Variants in BMP1 observed in about 807,000 individuals in gnomAD.
BMP1 encodes the protein mammalian tolloid protein.
BMP1 carries 63 observed loss-of-function variants against 116.8 expected under a neutral mutation model. That is an observed-to-expected ratio of 0.54 (90% CI 0.44 to 0.67). BMP1 has a LOEUF of 0.67. Ranked by LOEUF, BMP1 falls within the 30% of genes least tolerant of loss-of-function variation. The pLI is 0.00. For missense variants in BMP1, 1,183 were observed against 1,358.9 expected (o/e 0.87, Z 2.04); for synonymous variants, 536 against 533.4 (o/e 1.00, Z -0.07).
intron 16 of BMP1, among the ~76,000 whole-genome samples, chr8:22,205,874 T>C (rs1007206371): frequency 4.1e-4 from 62 of 152,188 alleles, no homozygotes; most frequent in Admixed American, 4.0e-3. Flanking sequence ...AGAGGGGTGA[T>C]GTGTTTGTGA....
intron 8 of BMP1, among the ~76,000 whole-genome samples, chr8:22,184,655 T>C (rs1828714971): frequency 6.6e-6 from 1 of 152,176 alleles, no homozygotes; most frequent in African/African-American, 2.4e-5. Flanking sequence ...CGGAAAGCAT[T>C]AGGCACCTTA....
chr8:22,173,855 C>T, intron 2 of BMP1, 140 bp downstream of exon 2: 1 of 550,512 alleles, frequency 1.8e-6, no homozygotes, highest in Non-Finnish European at 3.2e-6. Flanking sequence ...TCTATCTTCC[C>T]TCGGGATATC....
intron 18 of BMP1, among the ~76,000 whole-genome samples, chr8:22,208,923 T>C (rs1231066767): frequency 6.6e-6 from 1 of 152,208 alleles, no homozygotes; most frequent in African/African-American, 2.4e-5. Context: ...CCCCATGCAC[T>C]GTCCTCTGCC....
chr8:22,173,787 C>T, intron 2 of BMP1, 72 bp downstream of exon 2: 2 of 1,280,624 alleles, frequency 1.6e-6, no homozygotes, highest in Non-Finnish European at 2.2e-6. Context: ...AGGAATCTCC[C>T]TGTTCCCAGC....
chr8:22,165,894 T>C (rs1230530208), intron 1 of BMP1, among the ~76,000 whole-genome samples: 1 of 119,984 alleles, frequency 8.3e-6, no homozygotes, highest in African/African-American at 2.7e-5. Context: ...TGTGTGTGTG[T>C]GTGTGTGTGT....
At chr8:22,192,976 T>C (rs1349872612) in intron 9 of BMP1, among the ~76,000 whole-genome samples, 1 of 152,228 alleles carries the variant, frequency 6.6e-6, no homozygotes, top group African/African-American at 2.4e-5. Context: ...AATATTTCTT[T>C]TTGGTCACTC....
intron 16 of BMP1, among the ~76,000 whole-genome samples, chr8:22,203,048 G>C (rs1377836167): frequency 3.3e-5 from 5 of 152,038 alleles, no homozygotes; most frequent in African/African-American, 4.8e-5. Context: ...AATAAAAACA[G>C]CTCTCATGGC....
At position 22,209,638 on chromosome 8, in the gene BMP1, G is replaced by A; in HGVS notation, c.2769G>A (p.Glu923=). The change falls in exon 19 of 20, where the codon GAG becomes GAA. Residue 923 remains glutamate, a synonymous_variant. Coordinates refer to ENST00000306385, the MANE Select transcript of BMP1 (RefSeq NM_006129.5). ...CCGACTGCGGCTATGACTACATGGA[G>A]CTCTTCGACGGCTACGACAGCACAG... ...EETDCGYDYM[E]LFDGYDSTAP... is the part of the protein sequence containing the mutation. 2 of 1,614,134 alleles carry A rather than the reference G, an allele frequency of 1.2e-6. No homozygotes were observed. The highest frequency in any genetic ancestry group is 1.1e-5 in the South Asian group (1 of 91,084).
intron 1 of BMP1, chr8:22,169,879 C>G (rs78665166): frequency 1.3e-5 from 2 of 152,230 alleles, no homozygotes; most frequent in Non-Finnish European, 2.9e-5. Context: ...GGCAGGTTTA[C>G]AGCTGGAAAA....
intron 2 of BMP1, among the ~76,000 whole-genome samples, chr8:22,174,439 A>G (rs1229268128): frequency 6.6e-6 from 1 of 152,058 alleles, no homozygotes; most frequent in Non-Finnish European, 1.5e-5. Context: ...GTACTTGTGC[A>G]TGGATACAGG....
At chr8:22,166,488 C>T (rs1828116401) in intron 1 of BMP1, among the ~76,000 whole-genome samples, 1 of 152,316 alleles carries the variant, frequency 6.6e-6, no homozygotes, top group South Asian at 2.1e-4. Context: ...GGGCCATTTG[C>T]CTGATTGGAT....
Position 22,207,466 on chromosome 8 carries a change from A to C in BMP1, c.2525A>C (p.Tyr842Ser). 3.1e-6 allele frequency: 5 copies of C among 1,613,860 alleles called. No individual in the cohort carries two copies. The highest frequency in any genetic ancestry group is 1.7e-6 in the Non-Finnish European group (2 of 1,180,020). Residue 842 changes from tyrosine (Y) to serine (S), a missense_variant, in exon 18 of 20, where the codon TAC becomes TCC. This residue lies in a region of BMP1 where 956 missense variants were observed against 1,135.2 expected (regional missense o/e 0.84). Coordinates refer to ENST00000306385, the MANE Select transcript of BMP1 (RefSeq NM_006129.5). ...ATGSRMFLRFYSDNSVQRKGF... is the reference protein window; with the variant it reads ...ATGSRMFLRFSSDNSVQRKGF... ...GGCAGCCGCATGTTCCTGCGCTTCT[A>C]CTCAGATAACTCGGTCCAGCGAAAG...
chr8:22,199,420 C>T (rs775904317), intron 15 of BMP1: 1 of 1,254,140 alleles, frequency 8.0e-7, no homozygotes, highest in South Asian at 1.4e-5. Context: ...GGCCCATGCC[C>T]ACCTCCTCCA....
rs200867122 is a variant in BMP1, at chr8:22,207,386, C to A, written c.2445C>A (p.Ala815=). Residue 815 remains alanine (A), a synonymous_variant, in exon 18 of 20, where the codon GCC becomes GCA. Transcript: ENST00000306385. ...TGTTCGACGGGCGAGACGCCAAGGC[C>A]CCCGTCCTCGGCCGCTTCTGTGGGA... ...LEVFDGRDAK[A]PVLGRFCGSK... 4 of 1,614,078 alleles carry A rather than the reference C, an allele frequency of 2.5e-6. No homozygotes were observed. The highest frequency in any genetic ancestry group is 2.5e-6 in the Non-Finnish European group (3 of 1,180,034).
At position 22,165,559 on chromosome 8, in the gene BMP1, C is replaced by T. The variant is rs111790440; in HGVS notation, c.148+6C>T. 7.0e-6 allele frequency: 11 copies of T among 1,575,238 alleles called. No individual in the cohort carries two copies. The highest frequency in any genetic ancestry group is 1.4e-5 in the African/African-American group (1 of 71,456). On this transcript the variant is annotated splice_donor_region_variant and intron_variant, in intron 1 of 19. Transcript: ENST00000306385. Reference sequence around the variant, plus strand: ...CAAAGACCCCTGCAAGGCGGGTGAGCGCCCCCCGGCCCCCCGGCGACGGGC... The same window carrying T: ...CAAAGACCCCTGCAAGGCGGGTGAGTGCCCCCCGGCCCCCCGGCGACGGGC...
At chr8:22,182,463 CG>C (rs1287000440) in intron 8 of BMP1, among the ~76,000 whole-genome samples, 1 of 152,158 alleles carries the variant, frequency 6.6e-6, no homozygotes, top group Non-Finnish European at 1.5e-5. Context: ...ACCAGTTGAC[CG>C]GGATGTACGC....
intron 15 of BMP1, chr8:22,199,200 A>G: frequency 7.3e-7 from 1 of 1,367,212 alleles, no homozygotes; most frequent in Non-Finnish European, 9.8e-7. Context: ...CCTGCAGAGG[A>G]CCCCCACTGG....
chr8:22,194,476 T>C lies in BMP1; in HGVS notation c.1329T>C (p.Tyr443=). The C allele has an allele frequency of 1.2e-6, 2 of 1,614,154 alleles. No individual in the cohort carries two copies. Among genetic ancestry groups the C allele is most frequent in the Non-Finnish European group, 1.7e-6 (2 of 1,180,026 alleles). Residue 443 remains tyrosine, a synonymous_variant, in exon 11 of 20, where the codon TAT becomes TAC. Coordinates refer to ENST00000306385, the MANE Select transcript of BMP1 (RefSeq NM_006129.5). This position sits in a 1 kb window ranked among gnomAD's most constrained non-coding sequence, Gnocchi z 4.5. ...AICGGDVKKD[Y]GHIQSPNYPD... Reference sequence around the variant, plus strand: ...GCGGGGGTGATGTGAAAAAGGACTATGGCCACATTCAATCGCCCAACTACC... The same window carrying C: ...GCGGGGGTGATGTGAAAAAGGACTACGGCCACATTCAATCGCCCAACTACC...
intron 7 of BMP1, 152 bp from the exon 8 acceptor site, chr8:22,180,216 G>C (rs367891669): frequency 1.1e-4 from 74 of 681,812 alleles, no homozygotes; most frequent in East Asian, 4.3e-4. Context: ...TAGGGGGGTG[G>C]ATCTTATAGG....
Sources: allele counts gnomAD v4.1 joint callset (sites outside exome capture counted in the v4.1 genomes callset), GRCh38; gene constraint gnomAD v4.1.1; regional missense constraint gnomAD v4.1.1; non-coding constraint Gnocchi (gnomAD v3.1); transcripts MANE v1.5; gene names NCBI Gene and HGNC (gene_info 2026-07-23, HGNC 2026-07-21).